The following NRG3 variants were observed in gnomAD, a reference collection of about 807,000 sequenced individuals.
The protein encoded by NRG3 is pro-neuregulin-3, membrane-bound isoform.
In NRG3, 31 loss-of-function variants were observed where a neutral mutation model predicts 66.9. The observed-to-expected ratio is 0.46, with a 90% confidence interval of 0.35 to 0.63. The LOEUF is 0.63. Among genes scored for constraint, NRG3 ranks in the 20% least tolerant of loss-of-function variants. NRG3 has a pLI of 0.00. For missense variants in NRG3, 910 were observed against 878.9 expected (o/e 1.04, Z -0.45); for synonymous variants, 393 against 359.4 (o/e 1.09, Z -1.06).
chr10:82,369,380 C>G (rs2084742418), intron 2 of NRG3, among the ~76,000 whole-genome samples: 1 of 138,366 alleles, frequency 7.2e-6, no homozygotes, highest in Non-Finnish European at 1.5e-5. Flanking sequence ...CTCACTGCAG[C>G]CTTGACCTCC....
rs17100116 is a variant in NRG3 at position 82,480,660 on chromosome 10, C to G, written c.953+121792C>G. Among the ~76,000 whole-genome samples the G allele has an allele frequency of 9.6e-3, 1,470 of 152,338 alleles. 47 individuals are homozygous for G. The East Asian group carries it at 0.1, about 11-fold the overall frequency. ...CAGCCCCACTCTGCTCTGATTAGCT[C>G]TGGTCCACACGTATTCATACAGCCC... On this transcript the variant is annotated intron_variant, in intron 2 of 8. Coordinates refer to ENST00000372141, the MANE Select transcript of NRG3 (RefSeq NM_001010848.4).
chr10:82,320,631 C>T (rs193073587), intron 1 of NRG3, among the ~76,000 whole-genome samples: 1 of 152,114 alleles, frequency 6.6e-6, no homozygotes, highest in Non-Finnish European at 1.5e-5. Flanking sequence ...TCAAAGATGA[C>T]TGGGGTATGT....
Position 81,964,126 on chromosome 10 carries a change from C to G in NRG3, c.823+87963C>G, listed in dbSNP as rs918849929. On this transcript the variant is annotated intron_variant, in intron 1 of 8. Transcript: ENST00000372141. ...GCAATGTTATCAATTTTGTGTACGA[C>G]CCTCCAGACATATTCTCTGCATCAA... Among the ~76,000 whole-genome samples, 4 of 152,114 alleles carry G rather than the reference C, an allele frequency of 2.6e-5. No individual in the cohort carries two copies. The East Asian group carries it at 7.7e-4, about 29-fold the overall frequency.
chr10:82,810,876 A>T (rs558711146), intron 3 of NRG3, among the ~76,000 whole-genome samples: 1 of 152,130 alleles, frequency 6.6e-6, no homozygotes, highest in Admixed American at 6.5e-5. Flanking sequence ...TAAAAACAGG[A>T]TTTGTTATCT....
chr10:82,193,841 C>T (rs2074299094), intron 1 of NRG3, among the ~76,000 whole-genome samples: 1 of 152,096 alleles, frequency 6.6e-6, no homozygotes, highest in South Asian at 2.1e-4. Context: ...GTAGTCATTA[C>T]CGTAGATATA....
At chr10:82,571,192 G>GA (rs2045713061) in intron 2 of NRG3, among the ~76,000 whole-genome samples, 1 of 151,380 alleles carries the variant, frequency 6.6e-6, no homozygotes, top group Non-Finnish European at 1.5e-5. Context: ...CATTTGACAT[G>GA]AAAAAATCAT....
In NRG3 at chr10:81,899,952, G is replaced by A. The variant is rs186915472; in HGVS notation, c.823+23789G>A. 2.6e-4 allele frequency among the ~76,000 whole-genome samples: 39 copies of A among 151,942 alleles called. 1 individual carries two copies. The South Asian group carries it at 4.2e-3, about 16-fold the overall frequency. ...TGTTTACATATTTTAAACATGTATGGCACCCTAGGTTTTTCTTTCTTTTTT... is the reference window on the plus strand; with the variant it reads ...TGTTTACATATTTTAAACATGTATGACACCCTAGGTTTTTCTTTCTTTTTT... On this transcript the variant is annotated intron_variant, in intron 1 of 8. Transcript: ENST00000372141.
intron 1 of NRG3, among the ~76,000 whole-genome samples, chr10:82,235,182 T>G (rs1251858623): frequency 1.3e-5 from 2 of 152,248 alleles, no homozygotes; most frequent in African/African-American, 4.8e-5. Context: ...AAGCAACAAA[T>G]TTTTTGGAAC....
intron 1 of NRG3, among the ~76,000 whole-genome samples, chr10:82,104,513 C>T (rs978120592): frequency 2.0e-5 from 3 of 152,110 alleles, no homozygotes; most frequent in African/African-American, 7.2e-5. Flanking sequence ...TGCCACTATC[C>T]GTCTTCAGTA....
intron 2 of NRG3, among the ~76,000 whole-genome samples, chr10:82,666,862 GAT>G (rs2052829162): frequency 6.6e-6 from 1 of 152,070 alleles, no homozygotes; most frequent in Non-Finnish European, 1.5e-5. Context: ...TTTATACTTG[GAT>G]ATGGTAATAA....
intron 4 of NRG3, among the ~76,000 whole-genome samples, chr10:82,875,720 C>A (rs569414707): frequency 6.6e-6 from 1 of 152,140 alleles, no homozygotes; most frequent in African/African-American, 2.4e-5. Context: ...TCAGTACATG[C>A]GCTGTTAATC....
At chr10:82,054,700 AAGAAAATC>A (rs1286450105) in intron 1 of NRG3, among the ~76,000 whole-genome samples, 1 of 152,136 alleles carries the variant, frequency 6.6e-6, no homozygotes, top group African/African-American at 2.4e-5. Context: ...TGACAAGAGA[AAGAAAATC>A]AGAAAAGTCT....
In NRG3 at chr10:82,886,352, A is replaced by G. The variant is rs180980096; in HGVS notation, c.1054+20915A>G. 1.6e-4 allele frequency among the ~76,000 whole-genome samples: 24 copies of G among 152,314 alleles called. No individual in the cohort carries two copies. In the East Asian group the frequency reaches 3.3e-3, roughly 21 times the overall value. On this transcript the variant is annotated intron_variant, in intron 4 of 8. Coordinates refer to ENST00000372141, the MANE Select transcript of NRG3 (RefSeq NM_001010848.4). ...TATTTGGAGCTCAACCCTCACTAGC[A>G]GTACCTCGCATATACATGAGTTTGA...
At chr10:82,291,457 C>A (rs2079743293) in intron 1 of NRG3, among the ~76,000 whole-genome samples, 1 of 152,178 alleles carries the variant, frequency 6.6e-6, no homozygotes, top group South Asian at 2.1e-4. Context: ...TTAGCAAGAT[C>A]TTTTGTAGAT....
chr10:82,873,726 G>A (rs1841551496), intron 4 of NRG3, among the ~76,000 whole-genome samples: 1 of 152,176 alleles, frequency 6.6e-6, no homozygotes, highest in South Asian at 2.1e-4. Flanking sequence ...ATTTGAAAAT[G>A]TATTAGCAAG....
intron 1 of NRG3, among the ~76,000 whole-genome samples, chr10:82,018,023 G>A (rs992428403): frequency 2.0e-5 from 3 of 152,056 alleles, no homozygotes; most frequent in Admixed American, 6.6e-5. Context: ...CCATGCTTAT[G>A]TCTTGAATTG....
chr10:82,319,927 C>T (rs562509080), intron 1 of NRG3, among the ~76,000 whole-genome samples: 1 of 152,322 alleles, frequency 6.6e-6, no homozygotes, highest in Admixed American at 6.5e-5. Context: ...CCTTTCTGCT[C>T]TGGACTGGAG....
chr10:82,773,792 A>C (rs2059801136), intron 3 of NRG3, among the ~76,000 whole-genome samples: 1 of 152,204 alleles, frequency 6.6e-6, no homozygotes, highest in African/African-American at 2.4e-5. Context: ...AGATCTTGAT[A>C]GAAAAGTTTA....
intron 1 of NRG3, among the ~76,000 whole-genome samples, chr10:81,990,606 A>T (rs2133567046): frequency 6.6e-6 from 1 of 152,280 alleles, no homozygotes; most frequent in South Asian, 2.1e-4. Context: ...AGCAGCAAGT[A>T]TCTTGAAGAC....
Sources: gnomAD v4.1 joint callset for allele counts (sites outside exome capture counted in the v4.1 genomes callset) on GRCh38, gnomAD v4.1.1 for gene constraint, MANE v1.5 for transcripts, NCBI Gene and HGNC (gene_info 2026-07-23, HGNC 2026-07-21) for gene names.